Variants in CD93 observed in about 807,000 individuals in gnomAD.
CD93 encodes the protein CD93 molecule, also known as complement component C1q receptor.
CD93 carries 44 observed loss-of-function variants against 45.5 expected under a neutral mutation model. The observed-to-expected ratio is 0.97, with a 90% CI of 0.76 to 1.24. The LOEUF (loss-of-function observed/expected upper bound fraction) is 1.24. Among genes scored for constraint, CD93 ranks in the 50% most tolerant of loss-of-function variants. CD93 has a pLI of 0.00. For synonymous variants in CD93, 431 were observed against 370.8 expected (o/e 1.16, Z -1.87); for missense variants, 918 against 844.5 (o/e 1.09, Z -1.08).
In CD93 at chr20:23,082,961, T is replaced by C. The variant is rs1318622830; in HGVS notation, c.*989A>G. 6.5e-6 allele frequency: 1 copy of C among 152,708 alleles called. No individual in the cohort carries two copies. The highest frequency in any genetic ancestry group is 1.9e-4 in the East Asian group (1 of 5,196). 9.5% of individuals were successfully genotyped at this position (152,708 alleles called of 1,614,324 possible). Reference sequence around the variant, plus strand: ...ACACATCCTTTAGGAAACAGCCTGATGGAACTTTCTGCAGGGCTTCCTCTG... The same window carrying C: ...ACACATCCTTTAGGAAACAGCCTGACGGAACTTTCTGCAGGGCTTCCTCTG... On this transcript the variant is annotated 3_prime_UTR_variant, in exon 2 of 2. Transcript: ENST00000246006.
In CD93 at chr20:23,083,459, C is replaced by T. The variant is rs566660946; in HGVS notation, c.*491G>A. 77 of 157,882 alleles carry T rather than the reference C, an allele frequency of 4.9e-4. 1 individual carries two copies. In the South Asian group the frequency reaches 9.8e-3, roughly 20 times the overall value. 9.8% of individuals were successfully genotyped at this position (157,882 alleles called of 1,614,324 possible). A position where few individuals can be genotyped will look rare whatever the true frequency, so the allele number is the denominator to read the frequency against. On this transcript the variant is annotated 3_prime_UTR_variant, in exon 2 of 2. Transcript: ENST00000246006. The stretch of plus-strand genomic sequence containing the variant: ...CAAATGTAAAGAAATGTTTCCAGTC[C>T]GAACATGTTCCCTTTGACCAAAAAA...
At position 23,084,917 on chromosome 20, in the gene CD93, G is replaced by A. The variant is rs780242666; in HGVS notation, c.1276C>T (p.Gln426Ter). 3 of 1,613,314 alleles carry A rather than the reference G, an allele frequency of 1.9e-6. No homozygotes were observed. The highest frequency in any genetic ancestry group is 3.3e-5 in the Admixed American group (2 of 60,000). The change falls in exon 1 of 2, where the codon CAG becomes TAG. Residue 426 changes from glutamine to a stop codon, truncating the protein, a stop_gained. Transcript: ENST00000246006. LOFTEE classifies it high-confidence loss of function. The part of the protein sequence containing the change: ...VLAGEDGTQC[Q>*]DVDECVGPGG... ...GGGCCCACACACTCATCCACGTCCT[G>A]GCACTGAGTCCCGTCCTCCCCGGCC...
Position 23,083,637 on chromosome 20 carries a change from G to GC in CD93, c.*312dup. 2.1e-6 allele frequency: 1 copy of GC among 466,506 alleles called. No homozygotes were observed. Among genetic ancestry groups the GC allele is most frequent in the Admixed American group, 3.4e-5 (1 of 29,064 alleles). 28.9% of individuals were successfully genotyped at this position (466,506 alleles called of 1,614,324 possible). A position where few individuals can be genotyped will look rare whatever the true frequency, so the allele number is the denominator to read the frequency against. ...AGAAGATATTCAGGGGAGCCCCTTA[G>GC]CCCCGGCCTCCTCACACCCTGATCC... is the stretch of plus-strand genomic sequence containing the variant. On this transcript the variant is annotated 3_prime_UTR_variant, in exon 2 of 2. Transcript: ENST00000246006.
In CD93 at chr20:23,082,904, A is replaced by C. The variant is rs1160840893; in HGVS notation, c.*1046T>G. The C allele has an allele frequency of 6.6e-6, 1 of 152,596 alleles. No homozygotes were observed. Among genetic ancestry groups the C allele is most frequent in the Non-Finnish European group, 1.5e-5 (1 of 68,038 alleles). 9.5% of individuals were successfully genotyped at this position (152,596 alleles called of 1,614,324 possible). A position where few individuals can be genotyped will look rare whatever the true frequency, so the allele number is the denominator to read the frequency against. On this transcript the variant is annotated 3_prime_UTR_variant, in exon 2 of 2. Coordinates refer to ENST00000246006, the MANE Select transcript of CD93 (RefSeq NM_012072.4). ...TGTGCTAAAATGCTTTAAAATGACAACTTTCAAAACACAGTGCATCATCTC... is the reference window on the plus strand; with the variant it reads ...TGTGCTAAAATGCTTTAAAATGACACCTTTCAAAACACAGTGCATCATCTC...
rs368417861 is a variant in CD93 at position 23,085,158 on chromosome 20, G to A, written c.1035C>T (p.Asp345=). ...QLDSSQLDCV[D]VDECQDSPCA... ...AGGGGGAGTCCTGGCATTCATCCAC[G>A]TCCACACAGTCCAGCTGACTCGAGT... Residue 345 remains aspartate, a synonymous_variant, in exon 1 of 2, where the codon GAC becomes GAT. Transcript: ENST00000246006. The A allele has an allele frequency of 1.7e-5, 27 of 1,583,068 alleles. No individual in the cohort carries two copies. The highest frequency in any genetic ancestry group is 3.5e-5 in the South Asian group (3 of 85,176).
chr20:23,084,203 G>T (rs946143573), intron 1 of CD93, 56 bp downstream of exon 1: 10 of 1,580,660 alleles, frequency 6.3e-6, no homozygotes, highest in African/African-American at 4.0e-5. Context: ...TTGTACTGTA[G>T]TCAGTGCCCC....
rs1985322367 is a variant in CD93 at position 23,081,518 on chromosome 20, G to C, written c.*2432C>G. 5 of 152,254 alleles carry C rather than the reference G, an allele frequency of 3.3e-5. No homozygotes were observed. The highest frequency in any genetic ancestry group is 2.6e-4 in the Admixed American group (4 of 15,282). The allele number at this position is 152,254 out of a possible 1,614,324, so 9.4% of individuals were successfully genotyped here. On this transcript the variant is annotated 3_prime_UTR_variant, in exon 2 of 2. Transcript: ENST00000246006. ...GGTTTCCATCAGATGCACAACCTGA[G>C]CTGTCTGGTTGGGTTGCTGGCTCTC...
Position 23,085,088 on chromosome 20 carries a change from A to G in CD93, c.1105T>C (p.Cys369Arg), listed in dbSNP as rs1985448012. The change falls in exon 1 of 2, where the codon TGC (cysteine) becomes CGC (arginine). Residue 369 changes from cysteine (C) to arginine (R), a missense_variant. Transcript: ENST00000246006. Reference protein sequence around the residue: ...VNTPGGFRCECWVGYEPGGPG... With the variant: ...VNTPGGFRCERWVGYEPGGPG... ...CCGCCCGGCTCATAGCCAACCCAGC[A>G]TTCGCAGCGGAAGCCCCCAGGGGTG... 1 of 1,609,034 alleles carries G rather than the reference A, an allele frequency of 6.2e-7. No individual in the cohort carries two copies. The highest frequency in any genetic ancestry group is 1.7e-5 in the Admixed American group (1 of 59,572).
At position 23,084,250 on chromosome 20, in the gene CD93, C is replaced by G; in HGVS notation, c.1934+9G>C. On this transcript the variant is annotated intron_variant, in intron 1 of 1. Coordinates refer to ENST00000246006, the MANE Select transcript of CD93 (RefSeq NM_012072.4). The stretch of plus-strand genomic sequence containing the variant: ...ATCCCCTCCCCCGGTCACTCAGGGC[C>G]CCCTTTACCTGTACTGGTTCTCCAT... 1 of 1,612,492 alleles carries G rather than the reference C, an allele frequency of 6.2e-7. No individual in the cohort carries two copies. Among genetic ancestry groups the G allele is most frequent in the Non-Finnish European group, 8.5e-7 (1 of 1,179,428 alleles).
rs769237442 is a variant in CD93 at position 23,084,881 on chromosome 20, G to A, written c.1312C>T (p.Leu438Phe). The A allele has an allele frequency of 7.4e-6, 12 of 1,612,880 alleles. No homozygotes were observed. The African/African-American group carries it at 9.3e-5, about 13-fold the overall frequency. ...GTGTTGAAGCACAAGCTGTCGCAGA[G>A]GGGGCCCCCCGGGCCCACACACTCA... ...VDECVGPGGPLCDSLCFNTQG... is the reference protein window; with the variant it reads ...VDECVGPGGPFCDSLCFNTQG... Residue 438 changes from leucine (L) to phenylalanine (F), a missense_variant, in exon 1 of 2, where the codon CTC (leucine) becomes TTC (phenylalanine). Transcript: ENST00000246006.
rs767178563 is a variant in CD93, at chr20:23,084,964, G to C, written c.1229C>G (p.Ser410Cys). Residue 410 changes from serine (S) to cysteine (C), a missense_variant, in exon 1 of 2, where the codon TCC becomes TGC. Ser to Cys is a moderately radical substitution (Grantham distance 112, BLOSUM62 -1). Transcript: ENST00000246006. ...GGCCAGGACGTAGCCCTCCTCACAG[G>C]AGCAGTGAAATGAGCCATCTGTGTT... ...CTNTDGSFHC[S>C]CEEGYVLAGE... The C allele has an allele frequency of 6.2e-7, 1 of 1,613,798 alleles. No homozygotes were observed. The highest frequency in any genetic ancestry group is 8.5e-7 in the Non-Finnish European group (1 of 1,180,014).
In CD93 at chr20:23,082,700, T is replaced by C. The variant is rs920482642; in HGVS notation, c.*1250A>G. The C allele has an allele frequency of 4.6e-5, 7 of 152,140 alleles. No individual in the cohort carries two copies. Among genetic ancestry groups the C allele is most frequent in the Admixed American group, 1.3e-4 (2 of 15,272 alleles). 9.4% of individuals were successfully genotyped at this position (152,140 alleles called of 1,614,324 possible). Reference sequence around the variant, plus strand: ...TGAGCAGTTTTTGCTGTAAAAATGATTTTAGTTAGTCATCTCTTTCCCTCT... The same window carrying C: ...TGAGCAGTTTTTGCTGTAAAAATGACTTTAGTTAGTCATCTCTTTCCCTCT... On this transcript the variant is annotated 3_prime_UTR_variant, in exon 2 of 2. Coordinates refer to ENST00000246006, the MANE Select transcript of CD93 (RefSeq NM_012072.4).
In CD93 at chr20:23,085,768, A is replaced by G. The variant is rs1985478334; in HGVS notation, c.425T>C (p.Val142Ala). 2 of 1,610,846 alleles carry G rather than the reference A, an allele frequency of 1.2e-6. No individual in the cohort carries two copies. The highest frequency in any genetic ancestry group is 1.1e-5 in the South Asian group (1 of 91,088). The change falls in exon 1 of 2, where the codon GTG becomes GCG. Residue 142 changes from valine (V) to alanine (A), a missense_variant. By Grantham distance (64) the Val-to-Ala change is moderately conservative. Coordinates refer to ENST00000246006, the MANE Select transcript of CD93 (RefSeq NM_012072.4). ...LRNSCISKRC[V>A]SLLLDLSQPL... ...CTGGGACAGGTCCAGCAGCAGAGAC[A>G]CACAGCGCTTGGAGATGCACGAGTT...
chr20:23,084,396 C>T lies in CD93; in HGVS notation c.1797G>A (p.Leu599=). Residue 599 remains leucine, a synonymous_variant, in exon 1 of 2, where the codon CTG becomes CTA. Coordinates refer to ENST00000246006, the MANE Select transcript of CD93 (RefSeq NM_012072.4). The stretch of plus-strand genomic sequence containing the variant: ...TGCGATAGACCAGTAGCCCCAGAGC[C>T]AGGGCCAGCAGGAGTAGGATGGCCA... ...TVVAILLLLA[L]ALGLLVYRKR... 1 of 1,614,244 alleles carries T rather than the reference C, an allele frequency of 6.2e-7. No homozygotes were observed. The highest frequency in any genetic ancestry group is 8.5e-7 in the Non-Finnish European group (1 of 1,180,048).
rs1376629493 is a variant in CD93, at chr20:23,079,797, AT to A, written c.*4152del. 2.6e-5 allele frequency: 4 copies of A among 152,108 alleles called. No homozygotes were observed. Among genetic ancestry groups the A allele is most frequent in the African/African-American group, 9.7e-5 (4 of 41,418 alleles). 9.4% of individuals were successfully genotyped at this position (152,108 alleles called of 1,614,324 possible). On this transcript the variant is annotated 3_prime_UTR_variant, in exon 2 of 2. Coordinates refer to ENST00000246006, the MANE Select transcript of CD93 (RefSeq NM_012072.4). The stretch of plus-strand genomic sequence containing the variant: ...CCTTGCAGATAAGAGCAACAGCACA[AT>A]AAAGGGATTCCAGAGCTTCTACCTA...
At position 23,085,750 on chromosome 20, in the gene CD93, A is replaced by G. The variant is rs1985477846; in HGVS notation, c.443T>C (p.Leu148Pro). 2.5e-6 allele frequency: 4 copies of G among 1,610,708 alleles called. No individual in the cohort carries two copies. The highest frequency in any genetic ancestry group is 3.4e-6 in the Non-Finnish European group (4 of 1,179,930). ...SKRCVSLLLD[L>P]SQPLLPSRLP... ...GCGGCTGGGAAGGAGCGGCTGGGAC[A>G]GGTCCAGCAGCAGAGACACACAGCG... Residue 148 changes from leucine to proline, a missense_variant, in exon 1 of 2, where the codon CTG becomes CCG. Transcript: ENST00000246006.
Position 23,085,844 on chromosome 20 carries a change from C to T in CD93, c.349G>A (p.Val117Met). ...PSLPLKGFSW[V>M]GGGEDTPYSN... ...TAAGGCGTGTCCTCCCCCCCGCCCACCCAGCTGAAGCCCTTCAGCGGCAGA... is the reference window on the plus strand; with the variant it reads ...TAAGGCGTGTCCTCCCCCCCGCCCATCCAGCTGAAGCCCTTCAGCGGCAGA... Residue 117 changes from valine (V) to methionine (M), a missense_variant, in exon 1 of 2, where the codon GTG becomes ATG. Physicochemically the swap from Val to Met is conservative, Grantham distance 21. Coordinates refer to ENST00000246006, the MANE Select transcript of CD93 (RefSeq NM_012072.4). 6.3e-7 allele frequency: 1 copy of T among 1,592,880 alleles called. No individual in the cohort carries two copies. Among genetic ancestry groups the T allele is most frequent in the Non-Finnish European group, 8.5e-7 (1 of 1,170,846 alleles).
intron 1 of CD93, 124 bp from the exon 2 acceptor site, chr20:23,084,098 G>C: frequency 7.0e-7 from 1 of 1,425,550 alleles, no homozygotes; most frequent in South Asian, 1.2e-5. Flanking sequence ...AAGGGGGCCC[G>C]AGTGCCTGGC....
rs1985279461 is a variant in CD93, at chr20:23,079,862, C to T, written c.*4088G>A. On this transcript the variant is annotated 3_prime_UTR_variant, in exon 2 of 2. Coordinates refer to ENST00000246006, the MANE Select transcript of CD93 (RefSeq NM_012072.4). ...TTATCTACAAGAACAGACCAAAACA[C>T]AATTTATTTTTAAACAAGCCCTTCA... 6.6e-6 allele frequency: 1 copy of T among 151,182 alleles called. No homozygotes were observed. Among genetic ancestry groups the T allele is most frequent in the African/African-American group, 2.4e-5 (1 of 41,018 alleles). 9.4% of individuals were successfully genotyped at this position (151,182 alleles called of 1,614,324 possible). A position where few individuals can be genotyped will look rare whatever the true frequency, so the allele number is the denominator to read the frequency against.
Sources: allele counts gnomAD v4.1 joint callset, GRCh38; gene constraint gnomAD v4.1.1; transcripts MANE v1.5; gene names NCBI Gene and HGNC (gene_info 2026-07-23, HGNC 2026-07-21).